Variants in ARHGAP15 observed in about 807,000 individuals in gnomAD.
The protein encoded by ARHGAP15 is Rho GTPase activating protein 15.
ARHGAP15 carries 51 observed loss-of-function variants against 63.7 expected under a neutral mutation model. The observed-to-expected ratio is 0.80, with a 90% CI of 0.64 to 1.01. The LOEUF (loss-of-function observed/expected upper bound fraction) is 1.01. Ranked by LOEUF, ARHGAP15 falls within the 50% of genes least tolerant of loss-of-function variation. The probability of loss-of-function intolerance (pLI) is 0.00; values close to 1 mark genes in which losing one functional copy is unlikely to be tolerated. For synonymous variants in ARHGAP15, 191 were observed against 193.8 expected (o/e 0.99, Z 0.12); for missense variants, 560 against 564.6 (o/e 0.99, Z 0.08).
intron 9 of ARHGAP15, among the ~76,000 whole-genome samples, chr2:143,500,738 C>T (rs1488698901): frequency 2.0e-5 from 3 of 152,146 alleles, no homozygotes; most frequent in Non-Finnish European, 2.9e-5. Context: ...TTGAATCATG[C>T]TTTTGTTGTG....
chr2:143,206,105 G>A (rs181991973), intron 3 of ARHGAP15, among the ~76,000 whole-genome samples: 1 of 152,188 alleles, frequency 6.6e-6, no homozygotes, highest in Admixed American at 6.6e-5. Flanking sequence ...CTCTTACCCT[G>A]AAGGAGCTTG....
chr2:143,460,570 A>G (rs1257928683), intron 8 of ARHGAP15, among the ~76,000 whole-genome samples: 1 of 152,218 alleles, frequency 6.6e-6, no homozygotes, highest in Non-Finnish European at 1.5e-5. Context: ...CAGATCTCAA[A>G]TATGAAGCAC....
chr2:143,655,863 C>T (rs1364488488), intron 12 of ARHGAP15, among the ~76,000 whole-genome samples: 1 of 152,026 alleles, frequency 6.6e-6, no homozygotes, highest in Non-Finnish European at 1.5e-5. Flanking sequence ...GAGAACAAGA[C>T]AACTCAGCAT....
At chr2:143,497,254 A>G (rs1342510523) in intron 9 of ARHGAP15, among the ~76,000 whole-genome samples, 1 of 152,174 alleles carries the variant, frequency 6.6e-6, no homozygotes, top group African/African-American at 2.4e-5. Flanking sequence ...TCTCGAAAGC[A>G]TATCCTCAAC....
intron 13 of ARHGAP15, among the ~76,000 whole-genome samples, chr2:143,755,272 T>C (rs1189389490): frequency 1.6e-5 from 2 of 121,688 alleles, no homozygotes; most frequent in Non-Finnish European, 3.4e-5. Context: ...TGCCAGCATA[T>C]ATGGGGGGGG....
chr2:143,310,160 C>G (rs1301900131), intron 6 of ARHGAP15, among the ~76,000 whole-genome samples: 1 of 151,928 alleles, frequency 6.6e-6, no homozygotes, highest in Admixed American at 6.6e-5. Flanking sequence ...CAAACATAAG[C>G]AGTCTGATGT....
intron 12 of ARHGAP15, 30 bp downstream of exon 12, chr2:143,624,297 T>C: frequency 6.3e-7 from 1 of 1,587,056 alleles, no homozygotes; most frequent in Non-Finnish European, 8.6e-7. Flanking sequence ...GGGCAGGTGG[T>C]AGAATAACCT....
At chr2:143,492,189 G>C (rs1308447359) in intron 9 of ARHGAP15, among the ~76,000 whole-genome samples, 1 of 151,956 alleles carries the variant, frequency 6.6e-6, no homozygotes, top group Non-Finnish European at 1.5e-5. Context: ...GCCCTGCTTG[G>C]TTCTTCTCCT....
chr2:143,495,945 C>A (rs775841027), intron 9 of ARHGAP15, among the ~76,000 whole-genome samples: 1 of 152,202 alleles, frequency 6.6e-6, no homozygotes, highest in Non-Finnish European at 1.5e-5. Flanking sequence ...ACTCTGACAA[C>A]TTCCACGATA....
At chr2:143,638,565 T>C (rs1332383600) in intron 12 of ARHGAP15, among the ~76,000 whole-genome samples, 1 of 148,298 alleles carries the variant, frequency 6.7e-6, no homozygotes, top group Non-Finnish European at 1.5e-5. Context: ...GACGAGTTAG[T>C]GGGTGCAGCG....
intron 12 of ARHGAP15, among the ~76,000 whole-genome samples, chr2:143,670,592 GCT>G (rs919663967): frequency 4.6e-5 from 7 of 152,130 alleles, no homozygotes; most frequent in Non-Finnish European, 8.8e-5. Flanking sequence ...TTGGCATCCT[GCT>G]CTTTGTTCAG....
intron 12 of ARHGAP15, among the ~76,000 whole-genome samples, chr2:143,654,064 A>C (rs914437200): frequency 3.9e-5 from 6 of 152,340 alleles, no homozygotes; most frequent in African/African-American, 1.4e-4. Context: ...GAGTCAGTGA[A>C]GAAGCTATTG....
At chr2:143,627,186 T>G (rs1005490367) in intron 12 of ARHGAP15, among the ~76,000 whole-genome samples, 1 of 152,196 alleles carries the variant, frequency 6.6e-6, no homozygotes, top group African/African-American at 2.4e-5. Flanking sequence ...TGGCATTTTT[T>G]ATAGTAGGCC....
intron 11 of ARHGAP15, among the ~76,000 whole-genome samples, chr2:143,606,569 G>C (rs13388683): frequency 2.0e-5 from 3 of 152,120 alleles, no homozygotes; most frequent in Non-Finnish European, 4.4e-5. Context: ...ATGGGAAAAC[G>C]TGAGCAATGT....
chr2:143,742,758 G>A (rs145704178), intron 13 of ARHGAP15, among the ~76,000 whole-genome samples: 65 of 152,278 alleles, frequency 4.3e-4, no homozygotes, highest in African/African-American at 1.5e-3. Context: ...AAAAGAACCT[G>A]GCCCGGAGGC....
intron 9 of ARHGAP15, among the ~76,000 whole-genome samples, chr2:143,494,604 A>G (rs1692734878): frequency 6.6e-6 from 1 of 152,104 alleles, no homozygotes; most frequent in African/African-American, 2.4e-5. Flanking sequence ...AATTTCATCT[A>G]TGGTCCTTTT....
chr2:143,133,162 G>A (rs981513290), intron 1 of ARHGAP15, among the ~76,000 whole-genome samples: 6 of 152,160 alleles, frequency 3.9e-5, no homozygotes, highest in Non-Finnish European at 8.8e-5. Context: ...AGTTTTGGAG[G>A]AAAGTTTTGT....
chr2:143,281,770 A>G (rs758337510), intron 6 of ARHGAP15, among the ~76,000 whole-genome samples: 6 of 152,186 alleles, frequency 3.9e-5, no homozygotes, highest in Non-Finnish European at 5.9e-5. Context: ...GACTCCGAAT[A>G]TTCTACTTTC....
intron 4 of ARHGAP15, among the ~76,000 whole-genome samples, chr2:143,225,301 G>C (rs895271129): frequency 2.0e-5 from 3 of 151,804 alleles, no homozygotes; most frequent in African/African-American, 4.8e-5. Context: ...AAAAAAATTT[G>C]GATTTAAAAA....
Sources: gnomAD v4.1 joint callset for allele counts (sites outside exome capture counted in the v4.1 genomes callset) on GRCh38, gnomAD v4.1.1 for gene constraint, MANE v1.5 for transcripts, NCBI Gene and HGNC (gene_info 2026-07-23, HGNC 2026-07-21) for gene names.